Variants in FER1L5 observed in about 807,000 individuals in gnomAD.
FER1L5 encodes the protein fer-1 like family member 5.
FER1L5 carries 187 observed loss-of-function variants against 279.9 expected under a neutral mutation model. The ratio of observed to expected loss-of-function variants is 0.67; its 90% confidence interval spans 0.59 to 0.75. FER1L5 has a LOEUF of 0.75. FER1L5 is among the 30% of genes least tolerant of loss of function. The probability of loss-of-function intolerance (pLI) is 0.00; values close to 1 mark genes in which losing one functional copy is unlikely to be tolerated. For synonymous variants in FER1L5, 921 were observed against 989.7 expected (o/e 0.93, Z 1.30); for missense variants, 2,091 against 2,594.4 (o/e 0.81, Z 4.21).
chr2:96,660,948 T>C (rs2075931960), intron 10 of FER1L5, among the ~76,000 whole-genome samples: 1 of 152,214 alleles, frequency 6.6e-6, no homozygotes. Context: ...TGGGTTAGAT[T>C]TCTATTTTTT....
intron 8 of FER1L5, 79 bp downstream of exon 8, chr2:96,653,781 C>G: frequency 8.9e-7 from 1 of 1,128,544 alleles, no homozygotes; most frequent in Non-Finnish European, 1.3e-6. Flanking sequence ...GCTCCAGCCC[C>G]CACCCTTAGA....
At position 96,694,516 on chromosome 2, in the gene FER1L5, G is replaced by A. The variant is rs1236556440; in HGVS notation, c.3741+52G>A. 2 of 1,403,306 alleles carry A rather than the reference G, an allele frequency of 1.4e-6. No homozygotes were observed. Among genetic ancestry groups the A allele is most frequent in the East Asian group, 5.2e-5 (2 of 38,394 alleles). 86.9% of individuals were successfully genotyped at this position (1,403,306 alleles called of 1,614,324 possible). On this transcript the variant is annotated intron_variant, in intron 34 of 52. Transcript: ENST00000624922. The surrounding 1 kb of genome is among the most constrained non-coding windows in gnomAD (Gnocchi z 4.6). ...TGGGCAGGACAGGCGGGGGTGGTCT[G>A]GAGTGCGCTGCAGCCTTCTGCTGGT...
At chr2:96,684,184 T>A (rs1191892356) in intron 19 of FER1L5, 143 bp from the exon 20 acceptor site, 22 of 1,118,618 alleles carry the variant, frequency 2.0e-5, no homozygotes, top group Non-Finnish European at 2.7e-5. Context: ...GCCTCCCAGC[T>A]GGAGGGCTCC....
intron 7 of FER1L5, 75 bp downstream of exon 7, chr2:96,652,095 G>A (rs1224492189): frequency 6.5e-7 from 1 of 1,542,244 alleles, no homozygotes; most frequent in Non-Finnish European, 8.8e-7. Flanking sequence ...CGGCAAGCTT[G>A]CTCCTTGACT....
chr2:96,664,906 C>T (rs1178526810), intron 14 of FER1L5, among the ~76,000 whole-genome samples: 1 of 152,148 alleles, frequency 6.6e-6, no homozygotes, highest in Non-Finnish European at 1.5e-5. Context: ...TTGTTGATGG[C>T]CTGGAGCCAT....
At position 96,695,671 on chromosome 2, in the gene FER1L5, C is replaced by G; in HGVS notation, c.3894+10C>G. 6.2e-7 allele frequency: 1 copy of G among 1,604,942 alleles called. No homozygotes were observed. The highest frequency in any genetic ancestry group is 8.5e-7 in the Non-Finnish European group (1 of 1,175,178). The stretch of plus-strand genomic sequence containing the variant: ...CCTAGTCCTCACAGTGGTAAGAGGC[C>G]CCAGGGCAGGGGCTGGGCAGCCCTC... On this transcript the variant is annotated intron_variant, in intron 35 of 52. Transcript: ENST00000624922.
In FER1L5 at chr2:96,689,631, T is replaced by A; in HGVS notation, c.2526-13T>A. ...GGAGTTGTGCTGGGAACTTGGGGTCTCATTACCCCCAGGCTCCTCCTGGAC... is the reference window on the plus strand; with the variant it reads ...GGAGTTGTGCTGGGAACTTGGGGTCACATTACCCCCAGGCTCCTCCTGGAC... On this transcript the variant is annotated splice_polypyrimidine_tract_variant and intron_variant, in intron 25 of 52. Coordinates refer to ENST00000624922, the MANE Select transcript of FER1L5 (RefSeq NM_001293083.2). The surrounding 1 kb of genome is among the most constrained non-coding windows in gnomAD (Gnocchi z 4.6). The A allele has an allele frequency of 6.5e-7, 1 of 1,547,622 alleles. No individual in the cohort carries two copies. Among genetic ancestry groups the A allele is most frequent in the South Asian group, 1.2e-5 (1 of 83,984 alleles).
intron 19 of FER1L5, 25 bp downstream of exon 19, chr2:96,673,279 G>C (rs1481261735): frequency 6.5e-7 from 1 of 1,539,404 alleles, no homozygotes; most frequent in Non-Finnish European, 8.8e-7. Context: ...CAGGCAATAA[G>C]TAGAGAGCAG....
chr2:96,685,252 C>A, intron 20 of FER1L5, 77 bp from the exon 21 acceptor site: 2 of 1,284,878 alleles, frequency 1.6e-6, no homozygotes, highest in South Asian at 1.3e-5. Context: ...ACATCTTGGG[C>A]CAATCAGCCC....
At chr2:96,680,926 C>A (rs1192101000) in intron 19 of FER1L5, among the ~76,000 whole-genome samples, 1 of 152,224 alleles carries the variant, frequency 6.6e-6, no homozygotes, top group East Asian at 1.9e-4. Context: ...AGCCACTCCT[C>A]ACCTCCATGG....
Position 96,667,724 on chromosome 2 carries a change from C to T in FER1L5, c.1141-1027C>T, listed in dbSNP as rs368851550. On this transcript the variant is annotated intron_variant, in intron 14 of 52. Transcript: ENST00000624922. ...CTAGACATGATGAAGACATTCTAGGCCCACGGCCTCTCCATGAGATGGTTT... is the reference window on the plus strand; with the variant it reads ...CTAGACATGATGAAGACATTCTAGGTCCACGGCCTCTCCATGAGATGGTTT... Among the ~76,000 whole-genome samples the T allele has an allele frequency of 3.9e-5, 6 of 152,288 alleles. No homozygotes were observed. In the East Asian group the frequency reaches 9.6e-4, roughly 24 times the overall value.
Position 96,678,741 on chromosome 2 carries a change from T to A in FER1L5, c.1669+5487T>A, listed in dbSNP as rs145815239. 7.2e-5 allele frequency among the ~76,000 whole-genome samples: 11 copies of A among 152,350 alleles called. 1 individual carries two copies. The highest frequency in any genetic ancestry group is 2.6e-4 in the African/African-American group (11 of 41,578). ...AGCCATTGTGCCTGGCCACATCTTTTCATGTGCTCATTAACCATTCATTTA... is the reference window on the plus strand; with the variant it reads ...AGCCATTGTGCCTGGCCACATCTTTACATGTGCTCATTAACCATTCATTTA... On this transcript the variant is annotated intron_variant, in intron 19 of 52. Coordinates refer to ENST00000624922, the MANE Select transcript of FER1L5 (RefSeq NM_001293083.2).
Position 96,689,022 on chromosome 2 carries a change from T to G in FER1L5, c.2362-191T>G. On this transcript the variant is annotated intron_variant, in intron 24 of 52. Transcript: ENST00000624922. This position sits in a 1 kb window ranked among gnomAD's most constrained non-coding sequence, Gnocchi z 4.6. ...CATCCACCCCACTCTGCCAGCTGAA[T>G]GATCCAGGGCAGGGTTGACCTCTGG... The G allele has an allele frequency of 1.7e-6, 1 of 600,748 alleles. No individual in the cohort carries two copies. The highest frequency in any genetic ancestry group is 2.9e-6 in the Non-Finnish European group (1 of 348,462). The allele number at this position is 600,748 out of a possible 1,614,324, so 37.2% of individuals were successfully genotyped here. A position where few individuals can be genotyped will look rare whatever the true frequency, so the allele number is the denominator to read the frequency against.
At chr2:96,701,440 C>T (rs1321541812) in intron 45 of FER1L5, among the ~76,000 whole-genome samples, 1 of 152,180 alleles carries the variant, frequency 6.6e-6, no homozygotes, top group African/African-American at 2.4e-5. Context: ...GCAGTTCTCC[C>T]CTTTTCTTTC....
At position 96,649,605 on chromosome 2, in the gene FER1L5, C is replaced by G; in HGVS notation, c.340-18C>G. 1 of 1,551,014 alleles carries G rather than the reference C, an allele frequency of 6.4e-7. No homozygotes were observed. The highest frequency in any genetic ancestry group is 8.7e-7 in the Non-Finnish European group (1 of 1,146,876). On this transcript the variant is annotated intron_variant, in intron 4 of 52. Transcript: ENST00000624922. ...ATGGCAGGGTCTGGCTTACAGCTCC[C>G]TTGCCTTTGTCTTGCAGTGTACTGT...
rs960400818 is a variant in FER1L5, at chr2:96,691,458, G to C, written c.2921G>C (p.Gly974Ala). Residue 974 changes from glycine (G) to alanine (A), a missense_variant, in exon 29 of 53, where the codon GGC (glycine) becomes GCC (alanine). Coordinates refer to ENST00000624922, the MANE Select transcript of FER1L5 (RefSeq NM_001293083.2). This position sits in a 1 kb window ranked among gnomAD's most constrained non-coding sequence, Gnocchi z 6.0. ...TCCCCACCACAGGGCCTGGCCAAGGGCGAGGAGGAGGGCTGGGAGTATGAC... is the reference window on the plus strand; with the variant it reads ...TCCCCACCACAGGGCCTGGCCAAGGCCGAGGAGGAGGGCTGGGAGTATGAC... ...LSFLQLGLAKGEEEGWEYDTF... is the reference protein window; with the variant it reads ...LSFLQLGLAKAEEEGWEYDTF... 3 of 1,542,650 alleles carry C rather than the reference G, an allele frequency of 1.9e-6. No homozygotes were observed. The highest frequency in any genetic ancestry group is 2.6e-6 in the Non-Finnish European group (3 of 1,142,470).
At chr2:96,662,077 TG>T in intron 12 of FER1L5, 137 bp from the exon 13 acceptor site, 1 of 880,826 alleles carries the variant, frequency 1.1e-6, no homozygotes, top group Non-Finnish European at 1.8e-6. Flanking sequence ...AGGGGCATGG[TG>T]GGAACTGGAG....
Position 96,691,926 on chromosome 2 carries a change from GC to G in FER1L5, c.3183del (p.Asn1062ThrfsTer33). 3 of 1,531,540 alleles carry G rather than the reference GC, an allele frequency of 2.0e-6. No homozygotes were observed. Among genetic ancestry groups the G allele is most frequent in the Non-Finnish European group, 2.6e-6 (3 of 1,140,526 alleles). 94.9% of individuals were successfully genotyped at this position (1,531,540 alleles called of 1,614,324 possible). A position where few individuals can be genotyped will look rare whatever the true frequency, so the allele number is the denominator to read the frequency against. ...FRDPQRQDTR[P>X]PNLPFIYCTF... is the part of the protein sequence containing the mutation. ...GGGACCCCCAGAGGCAGGACACCCG[GC>G]CCCCCAACTTGCCCTTCATCTACTG... On this transcript the variant is annotated frameshift_variant, in exon 30 of 53. Transcript: ENST00000624922. LOFTEE classifies it high-confidence loss of function. The surrounding 1 kb of genome is among the most constrained non-coding windows in gnomAD (Gnocchi z 6.0).
intron 21 of FER1L5, 123 bp from the exon 22 acceptor site, chr2:96,685,817 T>C (rs2076902202): frequency 5.6e-6 from 7 of 1,242,616 alleles, no homozygotes; most frequent in Non-Finnish European, 7.7e-6. Context: ...TGGGCCAGGC[T>C]AGCAGCAGAT....
Sources: gnomAD v4.1 joint callset for allele counts (sites outside exome capture counted in the v4.1 genomes callset) on GRCh38, gnomAD v4.1.1 for gene constraint, Gnocchi (gnomAD v3.1) non-coding constraint, MANE v1.5 for transcripts, NCBI Gene and HGNC (gene_info 2026-07-23, HGNC 2026-07-21) for gene names.